The following STK3 variants were observed in gnomAD, a reference collection of about 807,000 sequenced individuals.
STK3 encodes serine/threonine-protein kinase 3.
In STK3, 41 loss-of-function variants were observed where a neutral mutation model predicts 58.0. That is an observed-to-expected ratio of 0.71 (90% CI 0.55 to 0.92). The LOEUF is 0.92. Ranked by LOEUF, STK3 falls within the 40% of genes least tolerant of loss-of-function variation. The pLI is 0.00. For missense variants in STK3, 479 were observed against 602.7 expected, an observed-to-expected ratio of 0.79 and a Z score of 2.15; for synonymous variants, 170 against 191.0, an observed-to-expected ratio of 0.89 and a Z score of 0.91.
upstream of STK3, among the ~76,000 whole-genome samples, chr8:98,391,179 AT>A (rs1354336263): frequency 4.6e-5 from 7 of 152,238 alleles, no homozygotes; most frequent in Middle Eastern, 3.4e-3. Context: ...GGATGTTGCT[AT>A]TTTTGTCTTA....
intron 1 of STK3, among the ~76,000 whole-genome samples, chr8:98,916,067 TAAG>T (rs1839337396): frequency 6.6e-6 from 1 of 152,052 alleles, no homozygotes; most frequent in African/African-American, 2.4e-5. Flanking sequence ...CTGCAAAAGC[TAAG>T]GAGAGCAAGT....
At chr8:98,753,145 C>G (rs1423928195) in intron 3 of STK3, among the ~76,000 whole-genome samples, 1 of 152,132 alleles carries the variant, frequency 6.6e-6, no homozygotes, top group African/African-American at 2.4e-5. Flanking sequence ...ATAAATTGTT[C>G]TATTATAAAG....
chr8:98,940,034 T>C (rs574173727), intron 1 of STK3, among the ~76,000 whole-genome samples: 3 of 152,348 alleles, frequency 2.0e-5, no homozygotes, highest in Admixed American at 2.0e-4. Flanking sequence ...CCTGGCTCTC[T>C]CCGACGAGGC....
At chr8:98,816,557 G>C (rs1252853017) in intron 1 of STK3, among the ~76,000 whole-genome samples, 1 of 151,920 alleles carries the variant, frequency 6.6e-6, no homozygotes, top group Non-Finnish European at 1.5e-5. Context: ...CCTAGAGACA[G>C]TGTTTCCCTC....
intron 4 of STK3, among the ~76,000 whole-genome samples, chr8:98,717,501 T>A (rs1324335767): frequency 6.6e-6 from 1 of 152,074 alleles, no homozygotes; most frequent in African/African-American, 2.4e-5. Context: ...ACGGCTATTA[T>A]CAAAAGACAG....
intron 6 of STK3, among the ~76,000 whole-genome samples, chr8:98,632,688 T>C (rs1819349059): frequency 1.3e-5 from 2 of 152,306 alleles, no homozygotes; most frequent in South Asian, 4.1e-4. Flanking sequence ...TAAAAAAATA[T>C]GCATTATGAG....
chr8:98,688,586 A>G (rs1186478661), intron 6 of STK3, among the ~76,000 whole-genome samples: 1 of 152,184 alleles, frequency 6.6e-6, no homozygotes, highest in African/African-American at 2.4e-5. Flanking sequence ...TCAGACCACA[A>G]TGGAATAAAA....
chr8:98,813,213 CA>C (rs1834339583), intron 1 of STK3, among the ~76,000 whole-genome samples: 1 of 152,098 alleles, frequency 6.6e-6, no homozygotes, highest in Admixed American at 6.5e-5. Context: ...CGAGTAAATT[CA>C]GACAGAAAAG....
At chr8:98,727,403 A>C (rs1827864088) in intron 4 of STK3, among the ~76,000 whole-genome samples, 1 of 152,234 alleles carries the variant, frequency 6.6e-6, no homozygotes. Context: ...CAAGCCATGC[A>C]CAAACTAACT....
At chr8:98,502,898 C>G (rs1417133497) in intron 10 of STK3, among the ~76,000 whole-genome samples, 1 of 152,188 alleles carries the variant, frequency 6.6e-6, no homozygotes. Flanking sequence ...GCTTTGGTAT[C>G]AGGATGATGC....
intron 6 of STK3, among the ~76,000 whole-genome samples, chr8:98,684,556 C>T (rs1765432001): frequency 6.6e-6 from 1 of 152,128 alleles, no homozygotes; most frequent in African/African-American, 2.4e-5. Context: ...CATATTTCTA[C>T]AGTACTTAGT....
chr8:98,907,468 G>T (rs1028857773), intron 1 of STK3, among the ~76,000 whole-genome samples: 6 of 152,036 alleles, frequency 3.9e-5, no homozygotes, highest in African/African-American at 1.4e-4. Flanking sequence ...AGCCGAGATT[G>T]TGCCACTGCA....
intron 6 of STK3, among the ~76,000 whole-genome samples, chr8:98,679,290 G>A (rs755544205): frequency 1.4e-4 from 21 of 152,068 alleles, no homozygotes; most frequent in Non-Finnish European, 2.8e-4. Context: ...GAATCACCAT[G>A]CACACTCCCA....
At chr8:98,940,124 G>A (rs1254919017) in intron 1 of STK3, among the ~76,000 whole-genome samples, 4 of 152,040 alleles carry the variant, frequency 2.6e-5, no homozygotes, top group African/African-American at 7.2e-5. Context: ...CCGGGAGCCC[G>A]CTCCTACCCC....
At chr8:98,359,580 T>C in the STK3 span, among the ~76,000 whole-genome samples, 1 of 151,902 alleles carries the variant, frequency 6.6e-6, no homozygotes, top group Non-Finnish European at 1.5e-5. Context: ...TCTTGAATGC[T>C]TTCTACCAGA....
At chr8:98,653,643 A>C (rs905942501) in intron 6 of STK3, among the ~76,000 whole-genome samples, 1 of 152,224 alleles carries the variant, frequency 6.6e-6, no homozygotes, top group East Asian at 1.9e-4. Flanking sequence ...AAAAATGATA[A>C]AGGGGATATC....
chr8:98,764,841 G>A (rs950129411), intron 3 of STK3, among the ~76,000 whole-genome samples: 1 of 147,892 alleles, frequency 6.8e-6, no homozygotes, highest in Admixed American at 7.1e-5. Flanking sequence ...TAAGAGACTG[G>A]AGGTGTAAGC....
chr8:98,798,460 G>A (rs921763526), intron 1 of STK3, among the ~76,000 whole-genome samples: 7 of 152,116 alleles, frequency 4.6e-5, no homozygotes, highest in Non-Finnish European at 8.8e-5. Flanking sequence ...CCCCAAAAAC[G>A]TTATTCTTGA....
chr8:98,889,241 GAACA>G (rs1838107414), intron 1 of STK3, among the ~76,000 whole-genome samples: 1 of 152,162 alleles, frequency 6.6e-6, no homozygotes, highest in Non-Finnish European at 1.5e-5. Context: ...TCAACAGGCA[GAACA>G]AACAAACATG....
Sources: gnomAD v4.1 joint callset for allele counts (sites outside exome capture counted in the v4.1 genomes callset) on GRCh38, gnomAD v4.1.1 for gene constraint, MANE v1.5 for transcripts, NCBI Gene and HGNC (gene_info 2026-07-23, HGNC 2026-07-21) for gene names.